The following LAMA4 variants were observed in gnomAD, a reference collection of about 807,000 sequenced individuals.
The protein encoded by LAMA4 is laminin subunit alpha 4.
Under a neutral mutation model 207.1 loss-of-function variants are expected in LAMA4, and 127 were observed. The ratio of observed to expected loss-of-function variants is 0.61; its 90% CI spans 0.53 to 0.71. LAMA4 has a LOEUF of 0.71. Ranked by LOEUF, LAMA4 falls within the 30% of genes least tolerant of loss-of-function variation. The pLI is 0.00. For missense variants in LAMA4, 2,093 were observed against 2,246.5 expected, an observed-to-expected ratio of 0.93 and a Z score of 1.38; for synonymous variants, 761 against 816.0, an observed-to-expected ratio of 0.93 and a Z score of 1.15.
chr6:112,211,354 C>A (rs1391560881), intron 3 of LAMA4, among the ~76,000 whole-genome samples: 4 of 152,100 alleles, frequency 2.6e-5, no homozygotes, highest in African/African-American at 9.7e-5. Flanking sequence ...AAAGAAGTGA[C>A]CCAAGTATCT....
At chr6:112,112,344 G>GT (rs1777752053) in intron 38 of LAMA4, among the ~76,000 whole-genome samples, 1 of 152,166 alleles carries the variant, frequency 6.6e-6, no homozygotes, top group South Asian at 2.1e-4. Flanking sequence ...AGATACCATC[G>GT]TTGAACATTT....
intron 2 of LAMA4, among the ~76,000 whole-genome samples, chr6:112,228,729 C>A (rs1238780537): frequency 6.6e-6 from 1 of 152,220 alleles, no homozygotes; most frequent in Non-Finnish European, 1.5e-5. Context: ...GCCTGAACAG[C>A]CGTGCTGAGG....
chr6:112,144,676 C>A, intron 19 of LAMA4, 118 bp downstream of exon 19: 6 of 1,193,148 alleles, frequency 5.0e-6, no homozygotes, highest in Non-Finnish European at 7.4e-6. Flanking sequence ...GGGCTGAGAA[C>A]TACTGAGTTG....
chr6:112,181,104 C>T (rs1023204148), intron 9 of LAMA4, among the ~76,000 whole-genome samples: 5 of 152,210 alleles, frequency 3.3e-5, no homozygotes, highest in Admixed American at 2.0e-4. Flanking sequence ...CCACCTGCCA[C>T]TCTGGCCTCT....
At chr6:112,182,087 A>T (rs1320701462) in intron 9 of LAMA4, among the ~76,000 whole-genome samples, 1 of 148,432 alleles carries the variant, frequency 6.7e-6, no homozygotes, top group African/African-American at 2.5e-5. Context: ...ACAGAGCGAG[A>T]CTCTGTCTGA....
chr6:112,155,823 A>T (rs1780677885), intron 14 of LAMA4, 117 bp from the exon 15 acceptor site: 2 of 1,218,702 alleles, frequency 1.6e-6, no homozygotes, highest in African/African-American at 3.0e-5. Context: ...CCTGTTATTC[A>T]AAGTCACCTA....
intron 4 of LAMA4, among the ~76,000 whole-genome samples, chr6:112,206,708 T>A (rs77759681): frequency 6.6e-6 from 1 of 152,112 alleles, no homozygotes; most frequent in South Asian, 2.1e-4. Flanking sequence ...CAGTTGTGAT[T>A]GCTCTAGGTC....
At chr6:112,137,941 T>C (rs1166609214) in intron 24 of LAMA4, among the ~76,000 whole-genome samples, 1 of 152,320 alleles carries the variant, frequency 6.6e-6, no homozygotes, top group African/African-American at 2.4e-5. Context: ...TAATAATGGA[T>C]GAGAAAGTAA....
At chr6:112,155,474 G>T in intron 15 of LAMA4, 91 bp downstream of exon 15, 1 of 1,424,642 alleles carries the variant, frequency 7.0e-7, no homozygotes, top group Non-Finnish European at 9.9e-7. Context: ...CTGCCATTTG[G>T]ATTTCACACT....
At position 112,166,806 on chromosome 6, in the gene LAMA4, T is replaced by G. The variant is rs1047735204; in HGVS notation, c.1552-1530A>C. On this transcript the variant is annotated intron_variant, in intron 12 of 38. Transcript: ENST00000230538. ...AAGTAAAATGTTGAAAACTGATAAT[T>G]ATGAAAATGACACAATTGTCACTAT... is the stretch of plus-strand genomic sequence containing the variant. Among the ~76,000 whole-genome samples, 3 of 152,128 alleles carry G rather than the reference T, an allele frequency of 2.0e-5. No homozygotes were observed. In the East Asian group the frequency reaches 5.8e-4, roughly 29 times the overall value.
intron 2 of LAMA4, among the ~76,000 whole-genome samples, chr6:112,252,153 C>A (rs1384558626): frequency 6.6e-6 from 1 of 152,156 alleles, no homozygotes; most frequent in Non-Finnish European, 1.5e-5. Flanking sequence ...TATCTAATTT[C>A]ATTACAATAA....
intron 2 of LAMA4, among the ~76,000 whole-genome samples, chr6:112,225,739 T>C (rs1419610136): frequency 6.6e-6 from 1 of 152,158 alleles, no homozygotes; most frequent in East Asian, 1.9e-4. Flanking sequence ...GGTTAAGAAA[T>C]TGGAATGTGC....
Position 112,133,451 on chromosome 6 carries a change from G to T in LAMA4, c.3594C>A (p.Phe1198Leu), listed in dbSNP as rs530201164. 24 of 1,613,792 alleles carry T rather than the reference G, an allele frequency of 1.5e-5. No individual in the cohort carries two copies. In the African/African-American group the frequency reaches 3.2e-4, roughly 22 times the overall value. Reference protein sequence around the residue: ...LRAHLPLDINFRGCMKGFQFQ... With the variant: ...LRAHLPLDINLRGCMKGFQFQ... The stretch of plus-strand genomic sequence containing the variant: ...ACTGGAAGCCCTTCATGCATCCTCT[G>T]AAGTTGATATCTAGGGGAAGGTGTG... The change falls in exon 27 of 39, where the codon TTC (phenylalanine) becomes TTA (leucine). Residue 1198 changes from phenylalanine to leucine, a missense_variant. This residue lies in a region of LAMA4 where 1,704 missense variants were observed against 1,788.4 expected (regional missense o/e 0.95). Coordinates refer to ENST00000230538, the MANE Select transcript of LAMA4 (RefSeq NM_001105206.3).
At chr6:112,168,978 C>T (rs770312471) in intron 12 of LAMA4, among the ~76,000 whole-genome samples, 7 of 152,154 alleles carry the variant, frequency 4.6e-5, no homozygotes, top group South Asian at 2.1e-4. Flanking sequence ...AAAATGTGCA[C>T]GGTCTCCAGT....
In LAMA4 at chr6:112,243,823, C is replaced by A. The variant is rs540993946; in HGVS notation, c.195+10133G>T. ...ATGCAATCCCAGCACTTTGGGAGGC[C>A]CAGGCAGGGGGATTGCCTGAGGTCG... is the stretch of plus-strand genomic sequence containing the variant. On this transcript the variant is annotated intron_variant, in intron 2 of 38. Transcript: ENST00000230538. Among the ~76,000 whole-genome samples, 37 of 151,880 alleles carry A rather than the reference C, an allele frequency of 2.4e-4. No homozygotes were observed. In the East Asian group the frequency reaches 6.8e-3, roughly 28 times the overall value.
At chr6:112,119,075 T>C in intron 34 of LAMA4, 81 bp downstream of exon 34, 23 of 1,429,916 alleles carry the variant, frequency 1.6e-5, no homozygotes, top group Non-Finnish European at 2.1e-5. Flanking sequence ...TCTAGTTTCC[T>C]AATCTGTGAG....
chr6:112,184,467 A>T (rs182897411), intron 9 of LAMA4, among the ~76,000 whole-genome samples: 1 of 151,916 alleles, frequency 6.6e-6, no homozygotes, highest in Admixed American at 6.5e-5. Flanking sequence ...TTTCACATTG[A>T]CTCTGCTCAT....
intron 11 of LAMA4, among the ~76,000 whole-genome samples, chr6:112,174,595 C>A (rs566456076): frequency 1.3e-5 from 2 of 152,298 alleles, no homozygotes; most frequent in African/African-American, 4.8e-5. Flanking sequence ...CAGGTTCAAG[C>A]GATTCTCCTG....
intron 13 of LAMA4, 101 bp from the exon 14 acceptor site, chr6:112,158,981 T>C (rs1554337702): frequency 2.6e-6 from 2 of 781,094 alleles, no homozygotes; most frequent in Non-Finnish European, 4.3e-6. Context: ...ATTATGAAGG[T>C]CAGTAAATTT....
Sources: allele counts gnomAD v4.1 joint callset (sites outside exome capture counted in the v4.1 genomes callset), GRCh38; gene constraint gnomAD v4.1.1; regional missense constraint gnomAD v4.1.1; transcripts MANE v1.5; gene names NCBI Gene and HGNC (gene_info 2026-07-23, HGNC 2026-07-21).